ENOX1: variants seen among roughly 807,000 people sequenced by gnomAD.
ENOX1 encodes the protein candidate growth-related and time keeping constitutive hydroquinone (NADH) oxidase.
In ENOX1, 42 loss-of-function variants were observed where a neutral mutation model predicts 82.5. That is an observed-to-expected ratio of 0.51 (90% CI 0.40 to 0.66). The LOEUF is 0.66. ENOX1 is among the 30% of genes least tolerant of loss of function. ENOX1 has a pLI of 0.00. For synonymous variants in ENOX1, 271 were observed against 282.2 expected, an observed-to-expected ratio of 0.96 and a Z score of 0.40; for missense variants, 608 against 811.6, an observed-to-expected ratio of 0.75 and a Z score of 3.05.
chr13:43,246,623 T>C (rs1460843233), intron 14 of ENOX1, among the ~76,000 whole-genome samples: 1 of 152,102 alleles, frequency 6.6e-6, no homozygotes, highest in Non-Finnish European at 1.5e-5. Flanking sequence ...AAAGGCAGAG[T>C]GCTGGGGCCA....
chr13:43,546,865 T>C (rs1296283322), intron 2 of ENOX1: 1 of 152,222 alleles, frequency 6.6e-6, no homozygotes, highest in Non-Finnish European at 1.5e-5. Flanking sequence ...ATTATCCTTC[T>C]CACAACATCA....
chr13:43,574,601 A>G (rs2080333887), intron 2 of ENOX1, among the ~76,000 whole-genome samples: 1 of 152,238 alleles, frequency 6.6e-6, no homozygotes, highest in Non-Finnish European at 1.5e-5. Flanking sequence ...GCTACAAACC[A>G]AAATTATATG....
At chr13:43,537,335 C>T (rs142375124) in intron 2 of ENOX1, among the ~76,000 whole-genome samples, 16 of 152,170 alleles carry the variant, frequency 1.1e-4, no homozygotes, top group Non-Finnish European at 2.2e-4. Flanking sequence ...GGAAACCTTC[C>T]CAGGGTAGAA....
At chr13:43,692,668 T>C (rs535468712) in intron 1 of ENOX1, among the ~76,000 whole-genome samples, 1 of 152,292 alleles carries the variant, frequency 6.6e-6, no homozygotes, top group African/African-American at 2.4e-5. Flanking sequence ...TGAACAGGCA[T>C]ACAAATTGCC....
At chr13:43,247,141 C>T (rs979128329) in intron 14 of ENOX1, among the ~76,000 whole-genome samples, 1 of 151,974 alleles carries the variant, frequency 6.6e-6, no homozygotes, top group Non-Finnish European at 1.5e-5. Flanking sequence ...TACGTTGAAA[C>T]CCCGTCTCTA....
intron 2 of ENOX1, among the ~76,000 whole-genome samples, chr13:43,552,165 T>C (rs1363748576): frequency 6.6e-6 from 1 of 152,092 alleles, no homozygotes; most frequent in Non-Finnish European, 1.5e-5. Context: ...CACCGAAGTA[T>C]TCATTGACAG....
intron 1 of ENOX1, among the ~76,000 whole-genome samples, chr13:43,735,777 G>GA (rs1362839937): frequency 3.3e-5 from 5 of 152,096 alleles, no homozygotes; most frequent in Admixed American, 2.6e-4. Context: ...AAAGACCAGG[G>GA]ATAAAAATAA....
At chr13:43,679,647 C>T (rs914103443) in intron 1 of ENOX1, among the ~76,000 whole-genome samples, 3 of 152,114 alleles carry the variant, frequency 2.0e-5, no homozygotes, top group African/African-American at 7.2e-5. Context: ...TAAGATAAGA[C>T]AATTGGGTTA....
At chr13:43,240,979 C>T (rs781700221) in intron 14 of ENOX1, among the ~76,000 whole-genome samples, 9 of 152,164 alleles carry the variant, frequency 5.9e-5, no homozygotes, top group Non-Finnish European at 8.8e-5. Flanking sequence ...GACCCCTCTA[C>T]GGAGATACTG....
chr13:43,555,482 C>G (rs2079392445), intron 2 of ENOX1, among the ~76,000 whole-genome samples: 1 of 152,192 alleles, frequency 6.6e-6, no homozygotes, highest in East Asian at 1.9e-4. Flanking sequence ...AAGGCCAAAG[C>G]ATTTACGGTC....
chr13:43,452,759 G>A (rs893737272), intron 3 of ENOX1, among the ~76,000 whole-genome samples: 3 of 152,292 alleles, frequency 2.0e-5, no homozygotes, highest in African/African-American at 4.8e-5. Flanking sequence ...CTGACCTCAA[G>A]TGATCCGCCT....
chr13:43,722,113 G>T (rs954542766), intron 1 of ENOX1, among the ~76,000 whole-genome samples: 1 of 152,172 alleles, frequency 6.6e-6, no homozygotes, highest in Admixed American at 6.5e-5. Flanking sequence ...AATTGGATTA[G>T]TCTTTGTGAT....
At chr13:43,261,518 C>T (rs1430889405) in intron 14 of ENOX1, among the ~76,000 whole-genome samples, 1 of 152,128 alleles carries the variant, frequency 6.6e-6, no homozygotes, top group East Asian at 1.9e-4. Flanking sequence ...GACACACAGG[C>T]GTGTGGTTCA....
chr13:43,416,406 G>A (rs1178261330), intron 3 of ENOX1, among the ~76,000 whole-genome samples: 5 of 150,256 alleles, frequency 3.3e-5, no homozygotes, highest in Non-Finnish European at 5.9e-5. Context: ...GGACAGAAGC[G>A]CTCCTCACAT....
At chr13:43,581,378 C>T (rs895910639) in intron 2 of ENOX1, among the ~76,000 whole-genome samples, 2 of 151,824 alleles carry the variant, frequency 1.3e-5, no homozygotes, top group Non-Finnish European at 2.9e-5. Context: ...GTGATCCGCC[C>T]GCCTCAGCCT....
chr13:43,580,679 T>G (rs915759800), intron 2 of ENOX1, among the ~76,000 whole-genome samples: 1 of 152,228 alleles, frequency 6.6e-6, no homozygotes, highest in Non-Finnish European at 1.5e-5. Context: ...TCAAAAATGT[T>G]ACAGTCCTTC....
At chr13:43,262,227 C>A (rs2044114460) in intron 14 of ENOX1, among the ~76,000 whole-genome samples, 1 of 151,718 alleles carries the variant, frequency 6.6e-6, no homozygotes, top group Non-Finnish European at 1.5e-5. Context: ...CCCCTATATT[C>A]TTTTCTTTCT....
chr13:43,238,975 T>C (rs370399107), intron 14 of ENOX1, among the ~76,000 whole-genome samples: 147 of 152,182 alleles, frequency 9.7e-4, no homozygotes, highest in African/African-American at 3.1e-3. Flanking sequence ...GAATGCTGTT[T>C]TCTCCCCAGG....
intron 3 of ENOX1, among the ~76,000 whole-genome samples, chr13:43,454,299 C>T (rs996847526): frequency 4.6e-5 from 7 of 151,056 alleles, no homozygotes; most frequent in Admixed American, 1.3e-4. Context: ...TGTTTATTTT[C>T]CAGAGTGTGT....
Sources: gnomAD v4.1 joint callset for allele counts (sites outside exome capture counted in the v4.1 genomes callset) on GRCh38, gnomAD v4.1.1 for gene constraint, MANE v1.5 for transcripts, NCBI Gene and HGNC (gene_info 2026-07-23, HGNC 2026-07-21) for gene names.